The following TFDP2 variants were observed in gnomAD, a reference collection of about 807,000 sequenced individuals.
TFDP2 encodes the protein transcription factor Dp-2.
A neutral mutation model predicts 59.3 loss-of-function variants in TFDP2; 17 were observed. The observed-to-expected ratio is 0.29, with a 90% CI of 0.20 to 0.43. TFDP2 has a LOEUF of 0.43. Ranked by LOEUF, TFDP2 falls within the 20% of genes least tolerant of loss-of-function variation. The probability of loss-of-function intolerance (pLI) is 1.00; values close to 1 mark genes in which losing one functional copy is unlikely to be tolerated. For missense variants in TFDP2, 391 were observed against 528.8 expected, an observed-to-expected ratio of 0.74 and a Z score of 2.56; for synonymous variants, 180 against 194.7, an observed-to-expected ratio of 0.92 and a Z score of 0.63.
chr3:142,005,594 T>C lies in TFDP2; in HGVS notation c.83-50A>G, dbSNP rs552394141. On this transcript the variant is annotated intron_variant, in intron 3 of 12. Coordinates refer to ENST00000489671, the MANE Select transcript of TFDP2 (RefSeq NM_001178139.2). ...TTAGTATTCTGCCATACCAAGGCCA[T>C]TTTCTAGCTATATACACACCCATGG... is the stretch of plus-strand genomic sequence containing the variant. 1.6e-5 allele frequency: 21 copies of C among 1,311,800 alleles called. No individual in the cohort carries two copies. The South Asian group carries it at 2.2e-4, about 14-fold the overall frequency. The allele number at this position is 1,311,800 out of a possible 1,614,324, so 81.3% of individuals were successfully genotyped here.
At chr3:142,071,991 A>G (rs1219374144) in intron 3 of TFDP2, among the ~76,000 whole-genome samples, 6 of 152,208 alleles carry the variant, frequency 3.9e-5, no homozygotes, top group Non-Finnish European at 8.8e-5. Context: ...TGACAACTAA[A>G]GCTATAAGAA....
At chr3:142,095,136 G>A (rs757891550) in intron 2 of TFDP2, among the ~76,000 whole-genome samples, 1 of 151,634 alleles carries the variant, frequency 6.6e-6, no homozygotes, top group African/African-American at 2.4e-5. Flanking sequence ...GATTACAGGC[G>A]TCCACCACCA....
intron 3 of TFDP2, among the ~76,000 whole-genome samples, chr3:142,018,486 G>A (rs1440350401): frequency 2.6e-5 from 4 of 151,260 alleles, no homozygotes; most frequent in East Asian, 1.9e-4. Context: ...TTTTAGAGAC[G>A]GGGTTTCCTT....
chr3:142,106,690 G>A (rs567494586), intron 1 of TFDP2, among the ~76,000 whole-genome samples: 1 of 152,274 alleles, frequency 6.6e-6, no homozygotes, highest in African/African-American at 2.4e-5. Flanking sequence ...AAAAAAATAA[G>A]TTGGATTTCT....
chr3:142,007,007 C>T (rs1235284483), intron 3 of TFDP2, among the ~76,000 whole-genome samples: 1 of 152,048 alleles, frequency 6.6e-6, no homozygotes, highest in African/African-American at 2.4e-5. Context: ...AACTCCTGAC[C>T]TTGGGTAATC....
intron 3 of TFDP2, among the ~76,000 whole-genome samples, chr3:142,024,424 C>A (rs1292925016): frequency 6.6e-6 from 1 of 152,186 alleles, no homozygotes; most frequent in East Asian, 1.9e-4. Flanking sequence ...TACTGGTCTA[C>A]CTGCTCCTCA....
At chr3:141,971,288 G>A (rs1432838736) in intron 8 of TFDP2, among the ~76,000 whole-genome samples, 8 of 150,244 alleles carry the variant, frequency 5.3e-5, no homozygotes, top group Non-Finnish European at 1.0e-4. Context: ...TTGGGAGGCC[G>A]AGGTGGGCGG....
At chr3:142,141,394 C>G (rs1229761362) in intron 1 of TFDP2, among the ~76,000 whole-genome samples, 1 of 152,234 alleles carries the variant, frequency 6.6e-6, no homozygotes, top group East Asian at 1.9e-4. Context: ...CAACCAGTCC[C>G]AATGAGATGA....
At position 141,974,974 on chromosome 3, in the gene TFDP2, C is replaced by T. The variant is rs141802207; in HGVS notation, c.520-783G>A. Among the ~76,000 whole-genome samples, 220 of 133,632 alleles carry T rather than the reference C, an allele frequency of 1.6e-3. 2 individuals carry two copies. Among genetic ancestry groups the T allele is most frequent in the African/African-American group, 6.0e-3 (203 of 33,890 alleles). The allele number at this position is 133,632 out of a possible 152,430, so 87.7% of individuals were successfully genotyped here. ...TCTCGCCCACACTGGAGTGCAGTGGCGCAATCTCAGCTCACTGCAACCTCC... is the reference window on the plus strand; with the variant it reads ...TCTCGCCCACACTGGAGTGCAGTGGTGCAATCTCAGCTCACTGCAACCTCC... On this transcript the variant is annotated intron_variant, in intron 7 of 12. Transcript: ENST00000489671.
Position 142,037,991 on chromosome 3 carries a change from T to C in TFDP2, c.83-32447A>G, listed in dbSNP as rs542035135. ...ACAAATCCCCCAGAAGCCTTTCTAC[T>C]GAGTGAAAGAATATAAATTATTTTA... is the stretch of plus-strand genomic sequence containing the variant. On this transcript the variant is annotated intron_variant, in intron 3 of 12. Transcript: ENST00000489671. 3.5e-4 allele frequency among the ~76,000 whole-genome samples: 54 copies of C among 152,282 alleles called. No individual in the cohort carries two copies. In the South Asian group the frequency reaches 0.011, roughly 31 times the overall value.
At chr3:142,042,630 CTTTT>C (rs66981475) in intron 3 of TFDP2, among the ~76,000 whole-genome samples, 18 of 108,200 alleles carry the variant, frequency 1.7e-4, no homozygotes, top group Admixed American at 1.1e-3. Flanking sequence ...CTTTTCTTTT[CTTTT>C]TTTTTTTTTT....
At chr3:142,020,762 T>C (rs1481857625) in intron 3 of TFDP2, among the ~76,000 whole-genome samples, 4 of 151,698 alleles carry the variant, frequency 2.6e-5, no homozygotes, top group African/African-American at 9.7e-5. Context: ...GGCAGGAGGA[T>C]TGCTTGAGTC....
chr3:142,134,344 A>C (rs1464798490), intron 1 of TFDP2, among the ~76,000 whole-genome samples: 1 of 122,202 alleles, frequency 8.2e-6, no homozygotes, highest in Non-Finnish European at 1.6e-5. Flanking sequence ...GCGAGACCCC[A>C]TCTCAAAAAA....
At chr3:142,069,202 CCG>C (rs1358944529) in intron 3 of TFDP2, among the ~76,000 whole-genome samples, 2 of 152,160 alleles carry the variant, frequency 1.3e-5, no homozygotes, top group Non-Finnish European at 2.9e-5. Context: ...GAGTGAGACA[CCG>C]CGCGCGGTTT....
chr3:142,092,136 G>C (rs1004655389), intron 3 of TFDP2, among the ~76,000 whole-genome samples: 1 of 152,058 alleles, frequency 6.6e-6, no homozygotes, highest in African/African-American at 2.4e-5. Flanking sequence ...AGACAATATT[G>C]TTTTATCTAT....
At chr3:142,091,560 T>C (rs1174369432) in intron 3 of TFDP2, among the ~76,000 whole-genome samples, 2 of 151,236 alleles carry the variant, frequency 1.3e-5, no homozygotes, top group Non-Finnish European at 2.9e-5. Flanking sequence ...AGTGAGACTC[T>C]GCCACCAAAA....
intron 3 of TFDP2, among the ~76,000 whole-genome samples, chr3:142,038,910 C>T (rs1049559828): frequency 2.6e-5 from 4 of 152,116 alleles, no homozygotes; most frequent in Non-Finnish European, 5.9e-5. Flanking sequence ...TGATAGGCAC[C>T]CTTTGACTAA....
intron 3 of TFDP2, among the ~76,000 whole-genome samples, chr3:142,064,112 TC>T (rs1481708106): frequency 6.6e-6 from 1 of 152,100 alleles, no homozygotes; most frequent in African/African-American, 2.4e-5. Flanking sequence ...TGCCACCACA[TC>T]CAGGTAATTT....
At position 141,950,430 on chromosome 3, in the gene TFDP2, G is replaced by A. The variant is rs200547650; in HGVS notation, c.*2083C>T. ...GAGTCTTTGGCGGCTTTCTTTTTTT[G>A]AGCCCATATTTTATCAATTTAAAGC... On this transcript the variant is annotated 3_prime_UTR_variant, in exon 13 of 13. Transcript: ENST00000489671. The A allele has an allele frequency of 6.6e-6, 1 of 152,320 alleles. No homozygotes were observed. The highest frequency in any genetic ancestry group is 1.9e-4 in the East Asian group (1 of 5,184). 9.4% of individuals were successfully genotyped at this position (152,320 alleles called of 1,614,324 possible).
Sources: allele counts gnomAD v4.1 joint callset (sites outside exome capture counted in the v4.1 genomes callset), GRCh38; gene constraint gnomAD v4.1.1; transcripts MANE v1.5; gene names NCBI Gene and HGNC (gene_info 2026-07-23, HGNC 2026-07-21).